The following SRPK1 variants were observed in gnomAD, a reference collection of about 807,000 sequenced individuals.
SRPK1 encodes the protein SFRS protein kinase 1.
SRPK1 carries 52 observed loss-of-function variants against 89.5 expected under a neutral mutation model. The observed-to-expected ratio is 0.58, with a 90% CI of 0.46 to 0.73. The LOEUF (loss-of-function observed/expected upper bound fraction) is 0.73. Ranked by LOEUF, SRPK1 falls within the 30% of genes least tolerant of loss-of-function variation. The probability of loss-of-function intolerance (pLI) is 0.00; values close to 1 mark genes in which losing one functional copy is unlikely to be tolerated. For missense variants in SRPK1, 603 were observed against 780.6 expected (o/e 0.77, Z 2.71); for synonymous variants, 255 against 270.2 (o/e 0.94, Z 0.55).
chr6:35,891,089 C>T (rs778097710), intron 2 of SRPK1, 76 bp from the exon 3 acceptor site: 2 of 1,467,872 alleles, frequency 1.4e-6, no homozygotes, highest in Non-Finnish European at 1.8e-6. Context: ...GCCCTCCCCA[C>T]AAAAAACTAA....
chr6:35,918,445 GA>G (rs1160620573), intron 2 of SRPK1, among the ~76,000 whole-genome samples: 1 of 151,778 alleles, frequency 6.6e-6, no homozygotes, highest in African/African-American at 2.4e-5. Context: ...AGGTTGCAGT[GA>G]GCCGAGATCG....
intron 6 of SRPK1, among the ~76,000 whole-genome samples, chr6:35,882,124 G>C (rs374959532): frequency 9.4e-5 from 6 of 63,750 alleles, no homozygotes; most frequent in Admixed American, 2.9e-4. Context: ...AGTACTAGTA[G>C]TAGTAGTAGT....
intron 2 of SRPK1, among the ~76,000 whole-genome samples, chr6:35,906,291 C>A (rs993498655): frequency 3.3e-5 from 5 of 152,068 alleles, no homozygotes; most frequent in Admixed American, 3.3e-4. Context: ...GTGGCATGAT[C>A]TCGGCTTACT....
intron 2 of SRPK1, among the ~76,000 whole-genome samples, chr6:35,904,391 G>C (rs7747733): frequency 6.6e-6 from 1 of 152,112 alleles, no homozygotes; most frequent in Non-Finnish European, 1.5e-5. Context: ...GAGGGAACTT[G>C]CAACAGTCAG....
At chr6:35,855,408 A>C (rs566473488) in intron 13 of SRPK1, among the ~76,000 whole-genome samples, 1 of 152,166 alleles carries the variant, frequency 6.6e-6, no homozygotes, top group Non-Finnish European at 1.5e-5. Flanking sequence ...TTGAAGACAA[A>C]GTTTTTCAGG....
intron 12 of SRPK1, among the ~76,000 whole-genome samples, chr6:35,868,268 G>A (rs981343942): frequency 1.3e-5 from 2 of 152,170 alleles, no homozygotes; most frequent in Non-Finnish European, 2.9e-5. Context: ...ACAGGCATGA[G>A]CCACCGTGCC....
At chr6:35,876,085 T>TAAAAAAAAAAAAAAAAAAAAAAAAAAAA (rs34493292) in intron 6 of SRPK1, among the ~76,000 whole-genome samples, 1 of 77,646 alleles carries the variant, frequency 1.3e-5, no homozygotes, top group Non-Finnish European at 2.4e-5. Context: ...ATTCTTAAAT[T>TAAAAAAAAAAAAAAAAAAAAAAAAAAAA]AAAAAAAAAA....
At chr6:35,900,835 T>C in intron 2 of SRPK1, among the ~76,000 whole-genome samples, 1 of 152,084 alleles carries the variant, frequency 6.6e-6, no homozygotes. Context: ...TTTGGGGTTT[T>C]AGAAATGATT....
At chr6:35,920,757 T>A (rs1053142758) in intron 1 of SRPK1, 1 of 114,800 alleles carries the variant, frequency 8.7e-6, no homozygotes, top group African/African-American at 2.5e-4. Context: ...GGCGGGCGGG[T>A]GGGGGTCTGC....
intron 13 of SRPK1, among the ~76,000 whole-genome samples, chr6:35,855,050 C>T (rs1769638669): frequency 6.6e-6 from 1 of 152,078 alleles, no homozygotes; most frequent in African/African-American, 2.4e-5. Context: ...ACCTGTAATC[C>T]CAGCACTTTG....
chr6:35,881,057 A>C (rs941799596), intron 6 of SRPK1, among the ~76,000 whole-genome samples: 4 of 152,096 alleles, frequency 2.6e-5, no homozygotes, highest in Non-Finnish European at 5.9e-5. Flanking sequence ...TGAAATACTA[A>C]AAGAAAAATA....
intron 13 of SRPK1, among the ~76,000 whole-genome samples, chr6:35,850,038 G>A (rs1289443343): frequency 6.6e-5 from 10 of 152,106 alleles, no homozygotes; most frequent in African/African-American, 1.4e-4. Context: ...GAGCAGAATG[G>A]TGGTTACAGA....
intron 14 of SRPK1, among the ~76,000 whole-genome samples, chr6:35,840,101 C>CCGGG (rs1769275406): frequency 6.6e-6 from 1 of 152,144 alleles, no homozygotes; most frequent in African/African-American, 2.4e-5. Context: ...ACCACCACAC[C>CCGGG]CGGGCATAAT....
intron 13 of SRPK1, among the ~76,000 whole-genome samples, chr6:35,848,303 T>G (rs761422598): frequency 3.3e-5 from 5 of 152,096 alleles, no homozygotes; most frequent in Admixed American, 1.3e-4. Flanking sequence ...ACGCCTGTAA[T>G]CCCAGCACTT....
At chr6:35,907,954 G>A (rs113688474) in intron 2 of SRPK1, among the ~76,000 whole-genome samples, 43 of 152,098 alleles carry the variant, frequency 2.8e-4, no homozygotes, top group African/African-American at 7.7e-4. Context: ...GCACTTCCTC[G>A]TTCTCGCAGA....
intron 13 of SRPK1, among the ~76,000 whole-genome samples, chr6:35,850,135 G>A (rs372130075): frequency 6.6e-5 from 10 of 152,100 alleles, no homozygotes; most frequent in Middle Eastern, 3.4e-3. Flanking sequence ...TAACTATAAC[G>A]ATGTTTCTAG....
chr6:35,901,490 C>T (rs1451872152), intron 2 of SRPK1, among the ~76,000 whole-genome samples: 2 of 152,196 alleles, frequency 1.3e-5, no homozygotes, highest in South Asian at 2.1e-4. Flanking sequence ...ACCTTTTAGA[C>T]TTCTAGCCTG....
chr6:35,858,949 T>C (rs1468651203), intron 12 of SRPK1, among the ~76,000 whole-genome samples: 2 of 152,200 alleles, frequency 1.3e-5, no homozygotes, highest in African/African-American at 4.8e-5. Context: ...TCAATGTATC[T>C]GTACATATTA....
rs563666155 is a variant in SRPK1 at position 35,921,096 on chromosome 6, G to T, written c.-40C>A. 8.8e-6 allele frequency: 13 copies of T among 1,470,778 alleles called. No homozygotes were observed. The Admixed American group carries it at 1.6e-4, about 19-fold the overall frequency. 91.1% of individuals were successfully genotyped at this position (1,470,778 alleles called of 1,614,324 possible). ...TCGCCAGGCGCCTGCGCACTCGAGT[G>T]GCGGCGACTCCCGCTCCCGCCGCGG... On this transcript the variant is annotated 5_prime_UTR_variant, in exon 1 of 16. Coordinates refer to ENST00000373825, the MANE Select transcript of SRPK1 (RefSeq NM_003137.5).
Sources: gnomAD v4.1 joint callset for allele counts (sites outside exome capture counted in the v4.1 genomes callset) on GRCh38, gnomAD v4.1.1 for gene constraint, MANE v1.5 for transcripts, NCBI Gene and HGNC (gene_info 2026-07-23, HGNC 2026-07-21) for gene names.